Variants in PHF8 observed in about 807,000 individuals in gnomAD.
The protein encoded by PHF8 is histone lysine demethylase PHF8.
PHF8 carries 9 observed loss-of-function variants against 74.4 expected under a neutral mutation model. The observed-to-expected ratio is 0.12, with a 90% CI of 0.07 to 0.21. PHF8 has a LOEUF of 0.21. Ranked by LOEUF, PHF8 falls within the 10% of genes least tolerant of loss-of-function variation. The pLI is 1.00. For synonymous variants in PHF8, 311 were observed against 316.6 expected, an observed-to-expected ratio of 0.98 and a Z score of 0.19; for missense variants, 478 against 816.6, an observed-to-expected ratio of 0.59 and a Z score of 5.05.
intron 19 of PHF8, among the ~76,000 whole-genome samples, chrX:53,957,056 C>T (rs1383145016): frequency 1.8e-5 from 2 of 109,535 alleles, no homozygotes; most frequent in African/African-American, 3.3e-5. Context: ...ACTAAAAATA[C>T]AAAAAACTGG....
In PHF8 at chrX:54,001,109, C is replaced by T. The variant is rs1305538547; in HGVS notation, c.1141+1046G>A. Among the ~76,000 whole-genome samples, 6 of 111,524 alleles carry T rather than the reference C, an allele frequency of 5.4e-5. No individual in the cohort carries two copies. In the Admixed American group the frequency reaches 5.7e-4, roughly 11 times the overall value. On this transcript the variant is annotated intron_variant, in intron 10 of 21. Transcript: ENST00000338154. ...TTGGGAGACTGAGGCGGGCGGATCA[C>T]GAGGTCAAGAGATTGAGACCATCCT...
At chrX:54,014,770 T>A (rs1368893578) in intron 6 of PHF8, among the ~76,000 whole-genome samples, 1 of 111,197 alleles carries the variant, frequency 9.0e-6, no homozygotes. Context: ...AAGTCCCAAG[T>A]CCAAGCTCCA....
upstream of PHF8, chrX:54,044,484 C>G (rs1212929930): frequency 7.1e-6 from 5 of 707,746 alleles, no homozygotes; most frequent in African/African-American, 1.2e-4. Flanking sequence ...GTGAGCGCGG[C>G]GGAGGCGGGG....
chrX:54,020,042 C>T (rs995805553), intron 4 of PHF8, among the ~76,000 whole-genome samples: 21 of 109,103 alleles, frequency 1.9e-4, no homozygotes, highest in Middle Eastern at 4.8e-3. Flanking sequence ...AAAAATTAGC[C>T]GGGCGTGGTG....
intron 4 of PHF8, among the ~76,000 whole-genome samples, chrX:54,018,618 C>A (rs1212583174): frequency 9.2e-6 from 1 of 108,877 alleles, no homozygotes; most frequent in East Asian, 2.8e-4. Flanking sequence ...CAATGCCTAT[C>A]TCATTCTTTT....
At chrX:54,024,232 G>A (rs1439381741) in intron 2 of PHF8, among the ~76,000 whole-genome samples, 6 of 111,921 alleles carry the variant, frequency 5.4e-5, no homozygotes, top group Non-Finnish European at 1.1e-4. Context: ...AGACCAGCCT[G>A]GGCAACATAG....
chrX:53,985,673 C>T, intron 17 of PHF8, 143 bp downstream of exon 17: 1 of 1,059,429 alleles, frequency 9.4e-7, no homozygotes, highest in Non-Finnish European at 1.3e-6. Flanking sequence ...CTACTTTATT[C>T]TTTCACCCAA....
Position 53,953,307 on chromosome X carries a change from A to C in PHF8, c.2540-9064T>G, listed in dbSNP as rs781860363. 4.5e-4 allele frequency among the ~76,000 whole-genome samples: 39 copies of C among 86,070 alleles called. No homozygotes were observed. The South Asian group carries it at 0.014, about 31-fold the overall frequency. The allele number at this position is 86,070 out of a possible 115,157, so 74.7% of individuals were successfully genotyped here. ...AAAAACAAAACAACAACAAAAAAAA[A>C]CCCCTCACATATAGAGAGATAAAAA... On this transcript the variant is annotated intron_variant, in intron 19 of 21. Transcript: ENST00000338154.
In PHF8 at chrX:54,011,156, G is replaced by A. The variant is rs782306751; in HGVS notation, c.912C>T (p.Ser304=). 17 of 1,210,091 alleles carry A rather than the reference G, an allele frequency of 1.4e-5. No homozygotes were observed. Among genetic ancestry groups the A allele is most frequent in the Admixed American group, 1.3e-4 (6 of 45,971 alleles). ...TGAAAAGTGTCTGTCCTTGCTTCAC[G>A]GAACACTTGTAGCACTTGTCCACCT... The part of the protein sequence containing the change: ...GDQVDKCYKC[S]VKQGQTLFIP... Residue 304 remains serine, a synonymous_variant, in exon 8 of 22, where the codon TCC becomes TCT. Coordinates refer to ENST00000338154, the MANE Select transcript of PHF8 (RefSeq NM_015107.3).
intron 19 of PHF8, among the ~76,000 whole-genome samples, chrX:53,959,152 T>A (rs1262091772): frequency 3.1e-4 from 35 of 111,986 alleles, no homozygotes; most frequent in Non-Finnish European, 9.4e-5. Flanking sequence ...CTATTGGTTT[T>A]CGATATTTAC....
At chrX:53,974,234 C>T in intron 18 of PHF8, among the ~76,000 whole-genome samples, 1 of 110,606 alleles carries the variant, frequency 9.0e-6, no homozygotes, top group Middle Eastern at 4.2e-3. Context: ...CCACTGCACT[C>T]CAGCCTGGGC....
intron 19 of PHF8, among the ~76,000 whole-genome samples, chrX:53,946,455 C>G (rs1417194456): frequency 8.9e-6 from 1 of 112,282 alleles, no homozygotes; most frequent in East Asian, 2.8e-4. Flanking sequence ...AAACAAATGA[C>G]ACCAGAAGAA....
intron 18 of PHF8, among the ~76,000 whole-genome samples, chrX:53,964,123 C>G (rs1419344532): frequency 9.0e-6 from 1 of 111,062 alleles, no homozygotes; most frequent in Non-Finnish European, 1.9e-5. Flanking sequence ...TCTCAGCAAA[C>G]TAACACAGGA....
intron 4 of PHF8, 109 bp downstream of exon 4, chrX:54,022,150 A>T: frequency 3.6e-6 from 2 of 549,717 alleles, no homozygotes; most frequent in East Asian, 6.6e-5. Context: ...AGATACTCAC[A>T]AACTGGGGAA....
intron 11 of PHF8, among the ~76,000 whole-genome samples, chrX:53,998,851 A>G (rs2149846728): frequency 8.9e-6 from 1 of 111,767 alleles, no homozygotes; most frequent in East Asian, 2.8e-4. Flanking sequence ...ACATTTTTTC[A>G]TATACTTTGA....
In PHF8 at chrX:54,002,585, C is replaced by A. The variant is rs1557104429; in HGVS notation, c.1034+10G>T. 9.0e-7 allele frequency: 1 copy of A among 1,116,624 alleles called. No individual in the cohort carries two copies. The highest frequency in any genetic ancestry group is 2.2e-5 in the Admixed American group (1 of 45,873). The allele number at this position is 1,116,624 out of a possible 1,213,427, so 92.0% of individuals were successfully genotyped here. A position where few individuals can be genotyped will look rare whatever the true frequency, so the allele number is the denominator to read the frequency against. The stretch of plus-strand genomic sequence containing the variant: ...GGCCAACATAGAATCACCACAGTTT[C>A]AGTACTCACTTGAGCTGCATCTCGA... On this transcript the variant is annotated intron_variant, in intron 9 of 21. Transcript: ENST00000338154.
intron 11 of PHF8, among the ~76,000 whole-genome samples, chrX:53,996,799 G>C (rs1004065001): frequency 1.8e-5 from 2 of 111,248 alleles, no homozygotes; most frequent in Non-Finnish European, 3.8e-5. Context: ...CACCCGCCTC[G>C]GCCTTCCAAA....
At chrX:54,012,794 G>A (rs2066002075) in intron 7 of PHF8, among the ~76,000 whole-genome samples, 1 of 110,083 alleles carries the variant, frequency 9.1e-6, no homozygotes, top group Non-Finnish European at 1.9e-5. Flanking sequence ...TTTTTAATTA[G>A]CCAGAAGTGG....
At chrX:54,009,844 G>GGAAAAAAAAAAAAAAAAAAAAAAAAA (rs2065952773) in intron 8 of PHF8, among the ~76,000 whole-genome samples, 4 of 9,390 alleles carry the variant, frequency 4.3e-4, no homozygotes, top group African/African-American at 4.7e-4. Flanking sequence ...CTCTGTCTCA[G>GGAAAAAAAAAAAAAAAAAAAAAAAAA]AAAAAAAAAA....
Sources: allele counts gnomAD v4.1 joint callset (sites outside exome capture counted in the v4.1 genomes callset), GRCh38; gene constraint gnomAD v4.1.1; transcripts MANE v1.5; gene names NCBI Gene and HGNC (gene_info 2026-07-23, HGNC 2026-07-21).